Variants in NCKAP5 observed in about 807,000 individuals in gnomAD.
The protein encoded by NCKAP5 is NCK associated protein 5, also known as nck-associated protein 5.
A neutral mutation model predicts 167.0 loss-of-function variants in NCKAP5; 92 were observed. The observed-to-expected ratio is 0.55, with a 90% CI of 0.47 to 0.66. NCKAP5 has a LOEUF of 0.66. NCKAP5 is among the 30% of genes least tolerant of loss of function. The pLI is 0.00. For synonymous variants in NCKAP5, 891 were observed against 877.4 expected (o/e 1.02, Z -0.27); for missense variants, 2,378 against 2,315.0 (o/e 1.03, Z -0.56).
At position 133,180,139 on chromosome 2, in the gene NCKAP5, G is replaced by A. The variant is rs116089010; in HGVS notation, c.207+33577C>T. Among the ~76,000 whole-genome samples, 958 of 152,082 alleles carry A rather than the reference G, an allele frequency of 6.3e-3. 11 individuals are homozygous for A. Among genetic ancestry groups the A allele is most frequent in the African/African-American group, 0.022 (904 of 41,498 alleles). The stretch of plus-strand genomic sequence containing the variant: ...AAACACTTGCATTAGGAATCTTGGA[G>A]GGCAGAAGGAAGTGGCACACCATTT... On this transcript the variant is annotated intron_variant, in intron 5 of 19. Transcript: ENST00000409261.
intron 7 of NCKAP5, among the ~76,000 whole-genome samples, chr2:132,973,939 G>A (rs1330869276): frequency 6.6e-6 from 1 of 152,052 alleles, no homozygotes; most frequent in East Asian, 1.9e-4. Flanking sequence ...GCTCTTGGTT[G>A]CAAGGCCTTA....
intron 3 of NCKAP5, among the ~76,000 whole-genome samples, chr2:133,340,091 T>C (rs1164172629): frequency 6.6e-6 from 1 of 152,198 alleles, no homozygotes; most frequent in African/African-American, 2.4e-5. Context: ...CAAATTATTA[T>C]GTTTTTAAAA....
rs558216729 is a variant in NCKAP5, at chr2:133,447,426, CTTTT to C, written c.69+70028_69+70031del. On this transcript the variant is annotated intron_variant, in intron 3 of 19. Coordinates refer to ENST00000409261, the MANE Select transcript of NCKAP5 (RefSeq NM_207363.3). ...TCTTTTTCCTTCCTTCCTTCCCTTTCTTTTTATTTCCTTTTTTCTTCTCTCTCTC... is the reference window on the plus strand; with the variant it reads ...TCTTTTTCCTTCCTTCCTTCCCTTTCTATTTCCTTTTTTCTTCTCTCTCTC... Among the ~76,000 whole-genome samples, 602 of 151,738 alleles carry C rather than the reference CTTTT, an allele frequency of 4.0e-3. 5 individuals carry two copies. Among genetic ancestry groups the C allele is most frequent in the African/African-American group, 0.014 (576 of 41,342 alleles).
chr2:132,870,850 A>C (rs1256711153), intron 9 of NCKAP5, among the ~76,000 whole-genome samples: 3 of 151,800 alleles, frequency 2.0e-5, no homozygotes, highest in Non-Finnish European at 4.4e-5. Flanking sequence ...AAATTAAAAC[A>C]CAGGCTGTCA....
At chr2:132,737,115 C>T (rs191281586) in intron 16 of NCKAP5, among the ~76,000 whole-genome samples, 3 of 152,222 alleles carry the variant, frequency 2.0e-5, no homozygotes, top group East Asian at 3.9e-4. Flanking sequence ...AAAGTTGTAT[C>T]GCACATAGGA....
At chr2:133,664,526 A>G in the NCKAP5 span, among the ~76,000 whole-genome samples, 2 of 152,154 alleles carry the variant, frequency 1.3e-5, no homozygotes, top group Non-Finnish European at 2.9e-5. Context: ...TTTAAGACAG[A>G]GTCTCGCTCT....
chr2:132,877,383 T>C (rs1691361798), intron 9 of NCKAP5, among the ~76,000 whole-genome samples: 1 of 152,162 alleles, frequency 6.6e-6, no homozygotes, highest in South Asian at 2.1e-4. Flanking sequence ...ATTTTGAGAG[T>C]TCTTCAACCA....
chr2:133,623,151 C>T, the NCKAP5 span, among the ~76,000 whole-genome samples: 38 of 152,284 alleles, frequency 2.5e-4, no homozygotes, highest in African/African-American at 9.1e-4. Context: ...AAAATCAACT[C>T]AAGATGAATC....
Position 133,529,685 on chromosome 2 carries a change from T to C in NCKAP5, c.-61-12098A>G, listed in dbSNP as rs543777022. ...AATATGTAAGACTACCTGTTTTCCA[T>C]AGAGTTATCATAGCTGAACAGAACC... On this transcript the variant is annotated intron_variant, in intron 2 of 19. Coordinates refer to ENST00000409261, the MANE Select transcript of NCKAP5 (RefSeq NM_207363.3). 2.1e-3 allele frequency among the ~76,000 whole-genome samples: 324 copies of C among 152,338 alleles called. 2 individuals carry two copies. The highest frequency in any genetic ancestry group is 7.3e-3 in the African/African-American group (304 of 41,582).
intron 5 of NCKAP5, among the ~76,000 whole-genome samples, chr2:133,188,002 T>G (rs960000034): frequency 2.0e-5 from 3 of 152,100 alleles, no homozygotes; most frequent in African/African-American, 7.2e-5. Context: ...ATGTGTGAAT[T>G]TGATCCTGTC....
chr2:133,416,549 C>T (rs1411815266), intron 3 of NCKAP5, among the ~76,000 whole-genome samples: 1 of 151,984 alleles, frequency 6.6e-6, no homozygotes, highest in African/African-American at 2.4e-5. Flanking sequence ...CTTGGAAAGG[C>T]TCTAGTTCTG....
chr2:133,564,817 G>GGC (rs1688429158), intron 1 of NCKAP5, among the ~76,000 whole-genome samples: 2 of 152,184 alleles, frequency 1.3e-5, no homozygotes, highest in South Asian at 4.1e-4. Context: ...GAAAGGGGTA[G>GGC]GCACAGGGCA....
At chr2:133,484,655 C>T (rs1171572219) in intron 3 of NCKAP5, among the ~76,000 whole-genome samples, 1 of 152,090 alleles carries the variant, frequency 6.6e-6, no homozygotes. Context: ...TCTAATAGTT[C>T]AATGTACACA....
intron 2 of NCKAP5, among the ~76,000 whole-genome samples, chr2:133,553,962 A>C (rs773706390): frequency 1.7e-4 from 26 of 152,174 alleles, no homozygotes; most frequent in Non-Finnish European, 3.1e-4. Flanking sequence ...CAAGGCTAAA[A>C]TCAATGTGTC....
At chr2:132,931,856 A>C (rs1196017779) in intron 8 of NCKAP5, among the ~76,000 whole-genome samples, 1 of 152,230 alleles carries the variant, frequency 6.6e-6, no homozygotes, top group East Asian at 1.9e-4. Flanking sequence ...CCATAGAAGA[A>C]AAATATAAAA....
intron 5 of NCKAP5, among the ~76,000 whole-genome samples, chr2:133,164,069 A>G (rs2083905918): frequency 6.6e-6 from 1 of 152,194 alleles, no homozygotes. Context: ...GACGCAGCAA[A>G]CAGTGAGAGA....
chr2:133,047,073 T>C (rs915167214), intron 6 of NCKAP5, among the ~76,000 whole-genome samples: 1 of 152,224 alleles, frequency 6.6e-6, no homozygotes, highest in African/African-American at 2.4e-5. Context: ...ATTCCACACA[T>C]ACCTTAGTAA....
At chr2:133,529,524 C>T (rs1296979191) in intron 2 of NCKAP5, among the ~76,000 whole-genome samples, 3 of 152,166 alleles carry the variant, frequency 2.0e-5, no homozygotes, top group African/African-American at 7.2e-5. Flanking sequence ...TAGACCATCC[C>T]ACCATGAGCA....
chr2:133,285,312 G>T (rs1471714962), intron 4 of NCKAP5, among the ~76,000 whole-genome samples: 1 of 152,170 alleles, frequency 6.6e-6, no homozygotes, highest in Non-Finnish European at 1.5e-5. Context: ...AAAGATGAAT[G>T]TAAACTTTAC....
Sources: gnomAD v4.1 joint callset for allele counts (sites outside exome capture counted in the v4.1 genomes callset) on GRCh38, gnomAD v4.1.1 for gene constraint, MANE v1.5 for transcripts, NCBI Gene and HGNC (gene_info 2026-07-23, HGNC 2026-07-21) for gene names.